Variants in MYO18B observed in about 807,000 individuals in gnomAD.
The protein encoded by MYO18B is unconventional myosin-XVIIIb.
In MYO18B, 204 loss-of-function variants were observed where a neutral mutation model predicts 273.0. The observed-to-expected ratio is 0.75, with a 90% CI of 0.67 to 0.84. The LOEUF (loss-of-function observed/expected upper bound fraction) is 0.84. Ranked by LOEUF, MYO18B falls within the 40% of genes least tolerant of loss-of-function variation. The pLI, the probability that MYO18B is intolerant of heterozygous loss-of-function variation, is 0.00. For synonymous variants in MYO18B, 1,330 were observed against 1,305.7 expected (o/e 1.02, Z -0.40); for missense variants, 3,212 against 3,287.6 (o/e 0.98, Z 0.56).
At chr22:25,806,556 G>A (rs565130934) in intron 12 of MYO18B, among the ~76,000 whole-genome samples, 13 of 152,286 alleles carry the variant, frequency 8.5e-5, no homozygotes, top group African/African-American at 2.9e-4. Flanking sequence ...CTGAGGGCTG[G>A]CACCACATGG....
the MYO18B span, among the ~76,000 whole-genome samples, chr22:26,049,621 A>G: frequency 6.6e-6 from 1 of 152,246 alleles, no homozygotes; most frequent in Non-Finnish European, 1.5e-5. Flanking sequence ...AAGTGAGACC[A>G]TCTTGTTCAC....
At chr22:25,968,525 C>G (rs766197026) in intron 39 of MYO18B, among the ~76,000 whole-genome samples, 1 of 152,008 alleles carries the variant, frequency 6.6e-6, no homozygotes, top group Non-Finnish European at 1.5e-5. Flanking sequence ...GTTCCTGCCT[C>G]CTGCTTGACT....
At chr22:25,743,030 C>T (rs1249639431) in intron 1 of MYO18B, among the ~76,000 whole-genome samples, 1 of 152,236 alleles carries the variant, frequency 6.6e-6, no homozygotes, top group Non-Finnish European at 1.5e-5. Context: ...AGCTACAGGC[C>T]TCTGGGCTGC....
chr22:25,783,969 G>A (rs1269418587), intron 10 of MYO18B, among the ~76,000 whole-genome samples: 2 of 152,170 alleles, frequency 1.3e-5, no homozygotes, highest in Admixed American at 6.5e-5. Context: ...GCTTCCAAAG[G>A]TCAAAAACGG....
the MYO18B span, among the ~76,000 whole-genome samples, chr22:26,058,788 A>G: frequency 6.6e-6 from 1 of 152,180 alleles, no homozygotes; most frequent in South Asian, 2.1e-4. Context: ...AAGCAGCTTG[A>G]GGCCCTCACC....
chr22:25,860,027 G>A (rs1406350382), intron 21 of MYO18B, among the ~76,000 whole-genome samples: 1 of 152,180 alleles, frequency 6.6e-6, no homozygotes, highest in Non-Finnish European at 1.5e-5. Flanking sequence ...TAACATACAT[G>A]CCTATATTCA....
intron 38 of MYO18B, chr22:25,953,483 C>T (rs1417815925): frequency 6.6e-6 from 1 of 152,154 alleles, no homozygotes; most frequent in African/African-American, 2.4e-5. Flanking sequence ...CTGCATTCCT[C>T]ATTCTGAAAC....
chr22:25,755,450 C>A (rs545017094), intron 1 of MYO18B, among the ~76,000 whole-genome samples: 2 of 152,366 alleles, frequency 1.3e-5, no homozygotes, highest in Admixed American at 6.5e-5. Context: ...AGGTGATCCG[C>A]CTGCCTCGGC....
rs1569078873 is a variant in MYO18B at position 25,828,974 on chromosome 22, C to T, written c.2979+6C>T. The T allele has an allele frequency of 1.2e-6, 2 of 1,613,316 alleles. No individual in the cohort carries two copies. The highest frequency in any genetic ancestry group is 2.2e-5 in the South Asian group (2 of 91,034). On this transcript the variant is annotated splice_donor_region_variant and intron_variant, in intron 15 of 43. Coordinates refer to ENST00000335473, the MANE Select transcript of MYO18B (RefSeq NM_032608.7). ...CGCTACAGCGATATCAAGAGGTATGCCTGGGCTGGAGCAGGGCTTTCACCA... is the reference window on the plus strand; with the variant it reads ...CGCTACAGCGATATCAAGAGGTATGTCTGGGCTGGAGCAGGGCTTTCACCA...
chr22:25,952,535 A>G, intron 38 of MYO18B, 112 bp downstream of exon 38: 1 of 1,368,776 alleles, frequency 7.3e-7, no homozygotes. Context: ...TCATCTAGAT[A>G]TACATTACTC....
At chr22:25,871,034 A>T (rs750740038) in intron 22 of MYO18B, among the ~76,000 whole-genome samples, 1 of 152,236 alleles carries the variant, frequency 6.6e-6, no homozygotes, top group Non-Finnish European at 1.5e-5. Flanking sequence ...AAACTGTCAA[A>T]AGCAAATCAA....
Position 25,827,016 on chromosome 22 carries a change from C to T in MYO18B, c.2786+517C>T, listed in dbSNP as rs9624910. On this transcript the variant is annotated intron_variant, in intron 14 of 43. Transcript: ENST00000335473. The stretch of plus-strand genomic sequence containing the variant: ...AGCAGAGGTTTCAGTGAGCCGAGAT[C>T]GCGCCACCACACTCTAGCCTGGGTG... 7.2e-5 allele frequency among the ~76,000 whole-genome samples: 11 copies of T among 152,122 alleles called. No homozygotes were observed. The South Asian group carries it at 2.3e-3, about 32-fold the overall frequency.
chr22:25,832,902 C>T lies in MYO18B; in HGVS notation c.2980-15C>T, dbSNP rs1439440350. The T allele has an allele frequency of 1.1e-5, 18 of 1,611,800 alleles. No individual in the cohort carries two copies. The highest frequency in any genetic ancestry group is 1.7e-6 in the Non-Finnish European group (2 of 1,178,238). On this transcript the variant is annotated splice_polypyrimidine_tract_variant and intron_variant, in intron 15 of 43. Transcript: ENST00000335473. ...TCGCTAAAAGTGCTAACTTTTAAAT[C>T]CTGTTATTTTCCAGGAAGGTGTTCC...
intron 21 of MYO18B, among the ~76,000 whole-genome samples, chr22:25,855,783 G>A (rs1386677857): frequency 6.6e-6 from 1 of 151,792 alleles, no homozygotes; most frequent in African/African-American, 2.4e-5. Flanking sequence ...TGGGGTTGCT[G>A]GGTTGAATGT....
chr22:25,777,754 G>T lies in MYO18B; in HGVS notation c.2041G>T (p.Ala681Ser). ...EQVLEHLVGMAGSVDGRVSVE... is the reference protein window; with the variant it reads ...EQVLEHLVGMSGSVDGRVSVE... ...GGTCCTGGAACACCTGGTGGGGATG[G>T]CAGGCAGTGTGGATGGCAGGGTCTC... is the stretch of plus-strand genomic sequence containing the variant. Residue 681 changes from alanine to serine, a missense_variant, in exon 8 of 44, where the codon GCA becomes TCA. Coordinates refer to ENST00000335473, the MANE Select transcript of MYO18B (RefSeq NM_032608.7). The T allele has an allele frequency of 6.2e-7, 1 of 1,605,832 alleles. No individual in the cohort carries two copies. Among genetic ancestry groups the T allele is most frequent in the Admixed American group, 1.7e-5 (1 of 59,052 alleles).
intron 12 of MYO18B, among the ~76,000 whole-genome samples, chr22:25,822,299 G>A (rs60517604): frequency 0.019 from 2,949 of 152,202 alleles, 111 homozygotes; most frequent in African/African-American, 0.066. Flanking sequence ...AATACATCAC[G>A]TCTTCAGATA....
At chr22:25,863,309 G>A (rs576737070) in intron 21 of MYO18B, among the ~76,000 whole-genome samples, 20 of 152,160 alleles carry the variant, frequency 1.3e-4, no homozygotes, top group African/African-American at 4.6e-4. Context: ...TGGCTGTTAA[G>A]TCCAAATTCT....
intron 12 of MYO18B, among the ~76,000 whole-genome samples, chr22:25,813,997 A>G (rs923372406): frequency 1.3e-5 from 2 of 152,214 alleles, no homozygotes; most frequent in Non-Finnish European, 2.9e-5. Flanking sequence ...CTGAGCATGT[A>G]GAATTTATTC....
At chr22:26,060,246 CAG>C in the MYO18B span, among the ~76,000 whole-genome samples, 1 of 152,218 alleles carries the variant, frequency 6.6e-6, no homozygotes, top group Non-Finnish European at 1.5e-5. Flanking sequence ...TGAACTACAA[CAG>C]AAGATTTGAG....
Sources: allele counts gnomAD v4.1 joint callset (sites outside exome capture counted in the v4.1 genomes callset), GRCh38; gene constraint gnomAD v4.1.1; transcripts MANE v1.5; gene names NCBI Gene and HGNC (gene_info 2026-07-23, HGNC 2026-07-21).